CACNA2D3: variants seen among roughly 807,000 people sequenced by gnomAD.
CACNA2D3 encodes voltage-dependent calcium channel subunit alpha-2/delta-3.
Under a neutral mutation model 160.6 loss-of-function variants are expected in CACNA2D3, and 60 were observed. The ratio of observed to expected loss-of-function variants is 0.37; its 90% CI spans 0.30 to 0.46. CACNA2D3 has a LOEUF of 0.46. CACNA2D3 is among the 20% of genes least tolerant of loss of function. The pLI is 1.00. For synonymous variants in CACNA2D3, 558 were observed against 492.9 expected, an observed-to-expected ratio of 1.13 and a Z score of -1.75; for missense variants, 1,205 against 1,365.0, an observed-to-expected ratio of 0.88 and a Z score of 1.85.
chr3:54,868,476 C>G (rs1479466811), intron 17 of CACNA2D3, among the ~76,000 whole-genome samples: 2 of 152,060 alleles, frequency 1.3e-5, no homozygotes, highest in African/African-American at 2.4e-5. Flanking sequence ...TTCCAAGTAT[C>G]TTGAATACCT....
At chr3:54,680,785 G>A (rs931404892) in intron 11 of CACNA2D3, among the ~76,000 whole-genome samples, 1 of 152,100 alleles carries the variant, frequency 6.6e-6, no homozygotes, top group South Asian at 2.1e-4. Context: ...GGTTTTTCAG[G>A]GTTATAGCTA....
At position 54,838,583 on chromosome 3, in the gene CACNA2D3, C is replaced by A; in HGVS notation, c.1486C>A (p.Leu496Ile). 6.2e-7 allele frequency: 1 copy of A among 1,613,266 alleles called. No homozygotes were observed. Among genetic ancestry groups the A allele is most frequent in the Non-Finnish European group, 8.5e-7 (1 of 1,179,220 alleles). ...KQNETRSKGI[L>I]LGVVGTDVPV... ...TTTTCGACAGAGATCGAAGGGCATT[C>A]TTCTGGGAGTGGTTGGCACAGATGT... Residue 496 changes from leucine (L) to isoleucine (I), a missense_variant, in exon 16 of 38, where the codon CTT (leucine) becomes ATT (isoleucine). Coordinates refer to ENST00000474759, the MANE Select transcript of CACNA2D3 (RefSeq NM_018398.3).
intron 2 of CACNA2D3, among the ~76,000 whole-genome samples, chr3:54,234,347 A>G (rs1328344529): frequency 2.6e-5 from 4 of 152,156 alleles, no homozygotes; most frequent in African/African-American, 9.7e-5. Flanking sequence ...AAAACAAACA[A>G]AACCAAAAAG....
intron 31 of CACNA2D3, among the ~76,000 whole-genome samples, chr3:54,988,594 A>G (rs1702668484): frequency 2.0e-5 from 3 of 152,214 alleles, no homozygotes; most frequent in Non-Finnish European, 4.4e-5. Context: ...ATGGCCCTCC[A>G]GCTTCCCTGA....
At chr3:54,526,118 A>G (rs1293467689) in intron 5 of CACNA2D3, among the ~76,000 whole-genome samples, 1 of 151,826 alleles carries the variant, frequency 6.6e-6, no homozygotes, top group South Asian at 2.1e-4. Context: ...TCTCTAAAGA[A>G]TTTTTTATTT....
intron 27 of CACNA2D3, among the ~76,000 whole-genome samples, chr3:54,931,178 A>G (rs1338064271): frequency 1.3e-5 from 2 of 152,152 alleles, no homozygotes; most frequent in Non-Finnish European, 2.9e-5. Context: ...GGCTGCTCCC[A>G]CCTAAAACAC....
At chr3:54,858,632 A>G (rs1699220106) in intron 17 of CACNA2D3, among the ~76,000 whole-genome samples, 1 of 152,144 alleles carries the variant, frequency 6.6e-6, no homozygotes. Flanking sequence ...TGCCTCTAAG[A>G]GGAGACTCGA....
chr3:54,862,402 C>CAT (rs1190551772), intron 17 of CACNA2D3, among the ~76,000 whole-genome samples: 1 of 151,710 alleles, frequency 6.6e-6, no homozygotes, highest in Non-Finnish European at 1.5e-5. Context: ...CACACACACA[C>CAT]ACGCACACAC....
chr3:54,859,106 C>T (rs565564718), intron 17 of CACNA2D3, among the ~76,000 whole-genome samples: 10 of 152,302 alleles, frequency 6.6e-5, no homozygotes, highest in South Asian at 4.1e-4. Flanking sequence ...CCCAACCTCG[C>T]GGGGTTAAAT....
chr3:54,493,060 CTTTTTTTTTTTTTTTTTTTTTTT>C (rs34225864), intron 4 of CACNA2D3, among the ~76,000 whole-genome samples: 1 of 58,770 alleles, frequency 1.7e-5, no homozygotes, highest in African/African-American at 7.7e-5. Context: ...TTGCTCAAAA[CTTTTTTTTTTTTTTTTTTTTTTT>C]TTTTTTTTTT....
At chr3:54,230,566 GA>G (rs1457616860) in intron 2 of CACNA2D3, among the ~76,000 whole-genome samples, 2 of 152,170 alleles carry the variant, frequency 1.3e-5, no homozygotes, top group Non-Finnish European at 2.9e-5. Context: ...AGACACAGGG[GA>G]TTCTAAAGGC....
At chr3:54,455,288 CTGAGGTGAGATGA>C (rs1700377695) in intron 4 of CACNA2D3, among the ~76,000 whole-genome samples, 1 of 151,960 alleles carries the variant, frequency 6.6e-6, no homozygotes, top group South Asian at 2.1e-4. Context: ...GATAACCATC[CTGAGGTGAGATGA>C]TATTGTGGTT....
rs1451947647 is a variant in CACNA2D3, at chr3:54,969,237, C to T, written c.2512-563C>T. Among the ~76,000 whole-genome samples, 5 of 148,460 alleles carry T rather than the reference C, an allele frequency of 3.4e-5. No homozygotes were observed. The East Asian group carries it at 9.9e-4, about 29-fold the overall frequency. ...TTGAGATCTTAAAAAGATATCATTA[C>T]TGTTTAATGACAACATAAAGTAGAC... On this transcript the variant is annotated intron_variant, in intron 28 of 37. Transcript: ENST00000474759.
At chr3:54,313,461 A>G (rs1212426376) in intron 2 of CACNA2D3, among the ~76,000 whole-genome samples, 2 of 152,096 alleles carry the variant, frequency 1.3e-5, no homozygotes, top group South Asian at 2.1e-4. Flanking sequence ...TCCTACCCTC[A>G]ACACCCCTGG....
chr3:54,740,370 C>G (rs955730908), intron 11 of CACNA2D3, among the ~76,000 whole-genome samples: 2 of 152,114 alleles, frequency 1.3e-5, no homozygotes, highest in Non-Finnish European at 2.9e-5. Flanking sequence ...CATTGACTTG[C>G]CTTCCCACCC....
intron 11 of CACNA2D3, among the ~76,000 whole-genome samples, chr3:54,685,557 G>C (rs1337882478): frequency 6.6e-6 from 1 of 152,232 alleles, no homozygotes; most frequent in African/African-American, 2.4e-5. Context: ...CTAAGAAACA[G>C]ATCCTGGGGA....
intron 11 of CACNA2D3, among the ~76,000 whole-genome samples, chr3:54,669,526 G>C (rs1157917064): frequency 6.6e-6 from 1 of 152,170 alleles, no homozygotes; most frequent in African/African-American, 2.4e-5. Context: ...CTAAGAAAAA[G>C]AATTGGTTGC....
In CACNA2D3 at chr3:54,324,910, A is replaced by G. The variant is rs369193682; in HGVS notation, c.321+4352A>G. 1.8e-4 allele frequency among the ~76,000 whole-genome samples: 18 copies of G among 98,038 alleles called. No individual in the cohort carries two copies. The South Asian group carries it at 2.7e-3, about 15-fold the overall frequency. The allele number at this position is 98,038 out of a possible 152,430, so 64.3% of individuals were successfully genotyped here. ...ACACCTGGAAATGCTTGTCTGTGTC[A>G]CAAGTCAGAGCTCTTTGATATTGAT... On this transcript the variant is annotated intron_variant, in intron 3 of 37. Transcript: ENST00000474759.
At chr3:54,995,882 G>T (rs989304872) in intron 31 of CACNA2D3, among the ~76,000 whole-genome samples, 3 of 152,170 alleles carry the variant, frequency 2.0e-5, no homozygotes, top group African/African-American at 7.2e-5. Context: ...AACTCCTTGA[G>T]TGATGGGGCT....
Sources: allele counts gnomAD v4.1 joint callset (sites outside exome capture counted in the v4.1 genomes callset), GRCh38; gene constraint gnomAD v4.1.1; transcripts MANE v1.5; gene names NCBI Gene and HGNC (gene_info 2026-07-23, HGNC 2026-07-21).